MATK: variants seen among roughly 807,000 people sequenced by gnomAD.
MATK encodes megakaryocyte-associated tyrosine-protein kinase.
Under a neutral mutation model 59.8 loss-of-function variants are expected in MATK, and 41 were observed. The ratio of observed to expected loss-of-function variants is 0.69; its 90% confidence interval spans 0.53 to 0.89. The LOEUF is 0.89. Ranked by LOEUF, MATK falls within the 40% of genes least tolerant of loss-of-function variation. MATK has a pLI of 0.00. For missense variants in MATK, 593 were observed against 719.6 expected (o/e 0.82, Z 2.01); for synonymous variants, 308 against 306.1 (o/e 1.01, Z -0.06).
upstream of MATK, among the ~76,000 whole-genome samples, chr19:3,788,619 C>CAAA (rs1171553701): frequency 5.7e-5 from 4 of 70,288 alleles, no homozygotes; most frequent in African/African-American, 1.0e-4. Flanking sequence ...ACTCTGTCTC[C>CAAA]AAAAAAAAAA....
At position 3,778,611 on chromosome 19, in the gene MATK, C is replaced by CG. The variant is rs1245780754; in HGVS notation, c.1198-17dup. 7 of 1,601,094 alleles carry CG rather than the reference C, an allele frequency of 4.4e-6. No homozygotes were observed. Among genetic ancestry groups the CG allele is most frequent in the South Asian group, 3.4e-5 (3 of 89,450 alleles). On this transcript the variant is annotated splice_polypyrimidine_tract_variant and intron_variant, in intron 12 of 13. Transcript: ENST00000310132. ...TGGTGAACTTCTGTGGGGCCCGAGACGGGGGTGAGGAGGGACCCCTCAGGT... is the reference window on the plus strand; with the variant it reads ...TGGTGAACTTCTGTGGGGCCCGAGACGGGGGGTGAGGAGGGACCCCTCAGGT...
chr19:3,780,623 G>GTTTTT, intron 8 of MATK, among the ~76,000 whole-genome samples: 1 of 147,916 alleles, frequency 6.8e-6, no homozygotes, highest in Non-Finnish European at 1.5e-5. Context: ...TAGTAGAGAT[G>GTTTTT]GGGTTTCACC....
chr19:3,789,774 G>C (rs187370116), upstream of MATK, among the ~76,000 whole-genome samples: 349 of 141,884 alleles, frequency 2.5e-3, 3 homozygotes, highest in African/African-American at 9.0e-3. Context: ...ACCCGGGCTA[G>C]AGTGCAGTGG....
At chr19:3,789,726 T>C (rs1208608115), upstream of MATK, among the ~76,000 whole-genome samples, 5 of 145,834 alleles carry the variant, frequency 3.4e-5, no homozygotes, top group African/African-American at 1.0e-4. Flanking sequence ...CTTTGCTTTT[T>C]TTTTTTTTTT....
chr19:3,781,813 A>C (rs2037405673), intron 7 of MATK, 141 bp from the exon 8 acceptor site: 1 of 700,572 alleles, frequency 1.4e-6, no homozygotes, highest in Non-Finnish European at 2.6e-6. Flanking sequence ...TGGGCCTGGC[A>C]ATGCCCCTAG....
intron 8 of MATK, among the ~76,000 whole-genome samples, chr19:3,780,129 A>G (rs1002146570): frequency 2.6e-5 from 4 of 151,962 alleles, no homozygotes; most frequent in Non-Finnish European, 5.9e-5. Context: ...GAAAATACAA[A>G]ACTAGCCAGG....
At chr19:3,801,413 G>A (rs2037642248) in intron 1 of MATK, 1 of 152,260 alleles carries the variant, frequency 6.6e-6, no homozygotes, top group South Asian at 2.1e-4. Flanking sequence ...TCTCGCTCCT[G>A]TCCGTGACCT....
At chr19:3,796,592 C>T (rs1196905604) in intron 1 of MATK, among the ~76,000 whole-genome samples, 1 of 152,106 alleles carries the variant, frequency 6.6e-6, no homozygotes, top group African/African-American at 2.4e-5. Context: ...TTTTATGTGT[C>T]TGTGACTCTT....
At chr19:3,791,378 C>G (rs137938785), upstream of MATK, among the ~76,000 whole-genome samples, 4,772 of 146,426 alleles carry the variant, frequency 0.033, 119 homozygotes, top group Admixed American at 0.058. Context: ...CAGAGTATTG[C>G]TCTGTTCCAA....
At chr19:3,797,873 C>A (rs1471005616) in intron 1 of MATK, among the ~76,000 whole-genome samples, 1 of 151,956 alleles carries the variant, frequency 6.6e-6, no homozygotes, top group Non-Finnish European at 1.5e-5. Context: ...GAAACCCCAT[C>A]TCTACTAAAT....
At chr19:3,789,962 C>T (rs1021449048), upstream of MATK, among the ~76,000 whole-genome samples, 3 of 151,788 alleles carry the variant, frequency 2.0e-5, no homozygotes, top group Non-Finnish European at 4.4e-5. Flanking sequence ...AGTGCAGTGG[C>T]GCGATCTCAG....
chr19:3,779,347 A>T, intron 11 of MATK, 31 bp downstream of exon 11: 1 of 1,609,676 alleles, frequency 6.2e-7, no homozygotes, highest in Non-Finnish European at 8.5e-7. Flanking sequence ...CGACGACCCC[A>T]GTGCCGCAGC....
In MATK at chr19:3,785,048, G is replaced by C; in HGVS notation, c.72+16C>G. On this transcript the variant is annotated intron_variant, in intron 2 of 13. Coordinates refer to ENST00000310132, the MANE Select transcript of MATK (RefSeq NM_139355.3). The stretch of plus-strand genomic sequence containing the variant: ...AGAACTGGCTCCCCAAGCCCCTGTG[G>C]GGAAGTGATCTTTACCCGGGGAAGT... 6.2e-7 allele frequency: 1 copy of C among 1,613,162 alleles called. No homozygotes were observed. Among genetic ancestry groups the C allele is most frequent in the Admixed American group, 1.7e-5 (1 of 60,010 alleles).
intron 8 of MATK, among the ~76,000 whole-genome samples, chr19:3,780,768 ACT>A (rs1170931562): frequency 6.8e-6 from 1 of 147,954 alleles, no homozygotes; most frequent in Non-Finnish European, 1.5e-5. Context: ...ACAGGGTCTC[ACT>A]CTCTCACCCA....
At chr19:3,793,000 C>T (rs2037557215) in intron 1 of MATK, 1 of 152,210 alleles carries the variant, frequency 6.6e-6, no homozygotes, top group Admixed American at 6.6e-5. Flanking sequence ...TTAGCTTCCT[C>T]CCCCCAGCCA....
chr19:3,785,003 A>C, intron 2 of MATK, 61 bp downstream of exon 2: 3 of 1,554,148 alleles, frequency 1.9e-6, no homozygotes, highest in Non-Finnish European at 2.7e-6. Context: ...GCCTCCCCAG[A>C]GGCATCCTGG....
intron 2 of MATK, 24 bp from the exon 3 acceptor site, chr19:3,784,908 TG>T: frequency 6.7e-7 from 1 of 1,492,760 alleles, no homozygotes. Context: ...AGAGTCCAGG[TG>T]GGAGCTGGGC....
At chr19:3,780,520 C>T (rs1445373288) in intron 8 of MATK, among the ~76,000 whole-genome samples, 2 of 151,124 alleles carry the variant, frequency 1.3e-5, no homozygotes, top group Non-Finnish European at 2.9e-5. Flanking sequence ...CTCTGCCTCC[C>T]AGGTCACGCC....
In MATK at chr19:3,781,666, C is replaced by T; in HGVS notation, c.683G>A (p.Trp228Ter). Residue 228 changes from tryptophan (W) to a stop codon, truncating the protein, a stop_gained, in exon 8 of 14, where the codon TGG (tryptophan) becomes TAG (stop). Transcript: ENST00000310132. LOFTEE classifies it high-confidence loss of function. ...TGTCAAATGCTGCAGGTTCAGTAAC[C>T]AGCCCGCTGTGGAGTGAAGACCCAG... ...SAEEELARAGWLLNLQHLTLG... is the reference protein window; with the variant it reads ...SAEEELARAG The T allele has an allele frequency of 6.2e-7, 1 of 1,613,420 alleles. No individual in the cohort carries two copies. The highest frequency in any genetic ancestry group is 8.5e-7 in the Non-Finnish European group (1 of 1,179,936).
Sources: allele counts gnomAD v4.1 joint callset (sites outside exome capture counted in the v4.1 genomes callset), GRCh38; gene constraint gnomAD v4.1.1; transcripts MANE v1.5; gene names NCBI Gene and HGNC (gene_info 2026-07-23, HGNC 2026-07-21).